The following WDPCP variants were observed in gnomAD, a reference collection of about 807,000 sequenced individuals.
WDPCP encodes the protein WD repeat containing planar cell polarity effector, also known as WD repeat-containing and planar cell polarity effector protein fritz homolog.
Under a neutral mutation model 93.1 loss-of-function variants are expected in WDPCP, and 71 were observed. The ratio of observed to expected loss-of-function variants is 0.76; its 90% confidence interval spans 0.63 to 0.93. The LOEUF (loss-of-function observed/expected upper bound fraction) is 0.93, where lower values mean the gene tolerates loss of function less well. Ranked by LOEUF, WDPCP falls within the 40% of genes least tolerant of loss-of-function variation. WDPCP has a pLI of 0.00. For missense variants in WDPCP, 844 were observed against 887.4 expected, an observed-to-expected ratio of 0.95 and a Z score of 0.62; for synonymous variants, 315 against 315.0, an observed-to-expected ratio of 1.00 and a Z score of 0.00.
chr2:63,390,704 A>T (rs1693166028), intron 10 of WDPCP, among the ~76,000 whole-genome samples: 1 of 152,232 alleles, frequency 6.6e-6, no homozygotes, highest in Admixed American at 6.5e-5. Flanking sequence ...ATAAAAAATG[A>T]TAAAGGGGAT....
chr2:63,401,675 C>T (rs932826861), intron 10 of WDPCP, among the ~76,000 whole-genome samples: 2 of 152,074 alleles, frequency 1.3e-5, no homozygotes, highest in Non-Finnish European at 2.9e-5. Flanking sequence ...CATGGTGGCA[C>T]ATGCCTGTAA....
chr2:63,561,364 G>T (rs1277028108), intron 1 of WDPCP, among the ~76,000 whole-genome samples: 1 of 152,034 alleles, frequency 6.6e-6, no homozygotes, highest in Non-Finnish European at 1.5e-5. Context: ...CGTAGTCCCA[G>T]CTGCTCGGGA....
chr2:63,251,304 G>A (rs1680692231), intron 14 of WDPCP, among the ~76,000 whole-genome samples: 1 of 152,012 alleles, frequency 6.6e-6, no homozygotes, highest in Admixed American at 6.6e-5. Flanking sequence ...TGATCCCACA[G>A]ATATACAAAA....
chr2:63,830,626 T>C (rs1671177613), upstream of WDPCP, among the ~76,000 whole-genome samples: 1 of 152,160 alleles, frequency 6.6e-6, no homozygotes. Context: ...TAACTGACTT[T>C]TGTTTGGCTG....
intron 3 of WDPCP, among the ~76,000 whole-genome samples, chr2:63,626,067 GA>G (rs1289440154): frequency 5.3e-5 from 8 of 152,084 alleles, no homozygotes; most frequent in Non-Finnish European, 1.2e-4. Flanking sequence ...TGACAAACCT[GA>G]CAAAAACAAG....
At chr2:63,391,974 A>T (rs1038155076) in intron 10 of WDPCP, among the ~76,000 whole-genome samples, 4 of 152,224 alleles carry the variant, frequency 2.6e-5, no homozygotes, top group Non-Finnish European at 5.9e-5. Context: ...GGTAATTTAT[A>T]GATTCAATGC....
At chr2:63,747,282 A>G (rs1669813995) in intron 2 of WDPCP, among the ~76,000 whole-genome samples, 1 of 152,250 alleles carries the variant, frequency 6.6e-6, no homozygotes, top group Middle Eastern at 3.4e-3. Context: ...CATATCTAAA[A>G]TTCTTAATTT....
chr2:63,484,775 C>G (rs1700466683), intron 5 of WDPCP, 112 bp from the exon 6 acceptor site: 1 of 1,513,596 alleles, frequency 6.6e-7, no homozygotes, highest in Admixed American at 1.8e-5. Context: ...CACAAAGATC[C>G]AACTGTTTTG....
intron 1 of WDPCP, among the ~76,000 whole-genome samples, chr2:63,536,625 T>C (rs1047708995): frequency 1.3e-5 from 2 of 149,866 alleles, no homozygotes; most frequent in Non-Finnish European, 3.0e-5. Context: ...AAATTAAATA[T>C]AAAAAAAAAT....
intron 17 of WDPCP, among the ~76,000 whole-genome samples, chr2:63,128,649 T>C (rs929129631): frequency 6.6e-6 from 1 of 152,218 alleles, no homozygotes; most frequent in Non-Finnish European, 1.5e-5. Context: ...CATTTCATAC[T>C]TCCTTAAGCC....
At chr2:63,427,125 C>T (rs773754015) in intron 9 of WDPCP, among the ~76,000 whole-genome samples, 5 of 152,114 alleles carry the variant, frequency 3.3e-5, no homozygotes, top group East Asian at 1.9e-4. Flanking sequence ...AAGACTTAGC[C>T]GCACAATAAT....
chr2:63,179,291 A>G (rs922483733), intron 14 of WDPCP, among the ~76,000 whole-genome samples: 1 of 151,644 alleles, frequency 6.6e-6, no homozygotes, highest in African/African-American at 2.4e-5. Context: ...CTATACATGC[A>G]TGATGCTGGC....
intron 2 of WDPCP, among the ~76,000 whole-genome samples, chr2:63,811,869 T>G (rs1670867975): frequency 6.6e-6 from 1 of 152,136 alleles, no homozygotes. Flanking sequence ...TATTTGGTTT[T>G]CTTTTTGTTT....
intron 1 of WDPCP, among the ~76,000 whole-genome samples, chr2:63,570,452 T>C (rs1707400355): frequency 6.6e-6 from 1 of 152,210 alleles, no homozygotes; most frequent in South Asian, 2.1e-4. Flanking sequence ...TCTAGGCTGT[T>C]GGCTCTTGTT....
At chr2:63,186,588 T>G (rs536970302) in intron 14 of WDPCP, among the ~76,000 whole-genome samples, 2 of 152,232 alleles carry the variant, frequency 1.3e-5, no homozygotes, top group African/African-American at 2.4e-5. Context: ...AGGGCCGAGG[T>G]AGTTTCCCAT....
chr2:63,607,053 C>T, intron 3 of WDPCP: 2 of 1,439,490 alleles, frequency 1.4e-6, no homozygotes, highest in Non-Finnish European at 1.9e-6. Context: ...GACTCAAGTA[C>T]CAAATAATAA....
intron 3 of WDPCP, among the ~76,000 whole-genome samples, chr2:63,615,338 G>A (rs1403883348): frequency 6.6e-6 from 1 of 152,154 alleles, no homozygotes; most frequent in Non-Finnish European, 1.5e-5. Flanking sequence ...AACAAAAAAG[G>A]AGTACCTGGG....
At chr2:63,797,535 CT>C (rs1417861944) in intron 2 of WDPCP, among the ~76,000 whole-genome samples, 7 of 151,570 alleles carry the variant, frequency 4.6e-5, no homozygotes, top group African/African-American at 1.7e-4. Context: ...CAGCCACTCT[CT>C]GTCTTTTGAT....
At chr2:63,283,570 GAGAC>G (rs1335563561) in intron 13 of WDPCP, among the ~76,000 whole-genome samples, 77 of 152,320 alleles carry the variant, frequency 5.1e-4, no homozygotes, top group African/African-American at 1.8e-3. Context: ...AGTTGTGACA[GAGAC>G]TGTGGCCTGC....
Sources: gnomAD v4.1 joint callset for allele counts (sites outside exome capture counted in the v4.1 genomes callset) on GRCh38, gnomAD v4.1.1 for gene constraint, MANE v1.5 for transcripts, NCBI Gene and HGNC (gene_info 2026-07-23, HGNC 2026-07-21) for gene names.